The following CHN1 variants were observed in gnomAD, a reference collection of about 807,000 sequenced individuals.
The protein encoded by CHN1 is chimerin 1.
In CHN1, 37 loss-of-function variants were observed where a neutral mutation model predicts 59.5. That is an observed-to-expected ratio of 0.62 (90% CI 0.48 to 0.82). The LOEUF (loss-of-function observed/expected upper bound fraction) is 0.82. Ranked by LOEUF, CHN1 falls within the 40% of genes least tolerant of loss-of-function variation. The pLI, the probability that CHN1 is intolerant of heterozygous loss-of-function variation, is 0.00. For missense variants in CHN1, 469 were observed against 571.0 expected (o/e 0.82, Z 1.82); for synonymous variants, 206 against 200.4 (o/e 1.03, Z -0.24).
chr2:174,988,785 A>G (rs1559012225), intron 1 of CHN1, among the ~76,000 whole-genome samples: 1 of 152,186 alleles, frequency 6.6e-6, no homozygotes, highest in Non-Finnish European at 1.5e-5. Context: ...ACAATAAATT[A>G]TTTTTATAAT....
chr2:174,827,577 C>A (rs567940680), intron 7 of CHN1, among the ~76,000 whole-genome samples: 1 of 152,192 alleles, frequency 6.6e-6, no homozygotes, highest in South Asian at 2.1e-4. Context: ...GTCCAGTGAA[C>A]AATGCAGAGC....
chr2:174,958,911 A>C (rs142146969), intron 1 of CHN1, among the ~76,000 whole-genome samples: 1 of 152,154 alleles, frequency 6.6e-6, no homozygotes, highest in East Asian at 1.9e-4. Context: ...CCTTCTTACT[A>C]TCTTGGTCTT....
At chr2:174,891,155 A>G (rs1411575765) in intron 5 of CHN1, among the ~76,000 whole-genome samples, 2 of 149,732 alleles carry the variant, frequency 1.3e-5, no homozygotes, top group Admixed American at 6.6e-5. Flanking sequence ...AAAAAAAAAA[A>G]AAAAAAAAAA....
intron 1 of CHN1, among the ~76,000 whole-genome samples, chr2:174,959,283 A>C (rs886681002): frequency 6.6e-6 from 1 of 152,190 alleles, no homozygotes; most frequent in Non-Finnish European, 1.5e-5. Context: ...ACACTTAAAA[A>C]TTATTTTGGC....
chr2:174,910,979 G>C (rs1688687006), intron 5 of CHN1, among the ~76,000 whole-genome samples: 1 of 149,584 alleles, frequency 6.7e-6, no homozygotes, highest in Non-Finnish European at 1.5e-5. Flanking sequence ...ACTCATATTA[G>C]CTCTCCACAA....
At chr2:174,847,155 AC>A (rs1241135196) in intron 6 of CHN1, 198 bp from the exon 7 acceptor site, 1 of 1,543,722 alleles carries the variant, frequency 6.5e-7, no homozygotes, top group African/African-American at 1.4e-5. Context: ...AGGAAAGAAA[AC>A]CTATAGTGGT....
intron 8 of CHN1, among the ~76,000 whole-genome samples, chr2:174,822,140 C>T (rs565233220): frequency 6.6e-6 from 1 of 152,134 alleles, no homozygotes; most frequent in Admixed American, 6.5e-5. Context: ...TCCAACCCTC[C>T]GTGTTTTCAA....
chr2:174,904,457 C>T (rs567296837), intron 5 of CHN1, among the ~76,000 whole-genome samples: 18 of 151,900 alleles, frequency 1.2e-4, no homozygotes, highest in East Asian at 2.0e-4. Context: ...GGTGCGATCT[C>T]GGCTCACCAC....
Position 174,807,446 on chromosome 2 carries a change from C to CTGTGTGTGTGTGTGTGTGTGTG in CHN1, c.1102+1437_1102+1458dup, listed in dbSNP as rs71031071. Among the ~76,000 whole-genome samples the CTGTGTGTGTGTGTGTGTGTGTG allele has an allele frequency of 1.4e-4, 12 of 83,842 alleles. 1 individual carries two copies. Among genetic ancestry groups the CTGTGTGTGTGTGTGTGTGTGTG allele is most frequent in the East Asian group, 4.3e-4 (1 of 2,328 alleles). 55.0% of individuals were successfully genotyped at this position (83,842 alleles called of 152,430 possible). A position where few individuals can be genotyped will look rare whatever the true frequency, so the allele number is the denominator to read the frequency against. ...GACTAGGCAGCTTTTCACGGGCTAT[C>CTGTGTGTGTGTGTGTGTGTGTG]TGTGTGTGTGTGTGTGTGTGTGTGT... On this transcript the variant is annotated intron_variant, in intron 11 of 12. Transcript: ENST00000409900.
intron 5 of CHN1, among the ~76,000 whole-genome samples, chr2:174,886,551 A>C (rs1274063746): frequency 2.6e-5 from 4 of 152,204 alleles, no homozygotes; most frequent in South Asian, 4.1e-4. Flanking sequence ...TTTTATATAA[A>C]ACTGTCTTAA....
chr2:174,814,539 T>A (rs1272437352), intron 8 of CHN1, among the ~76,000 whole-genome samples: 1 of 152,220 alleles, frequency 6.6e-6, no homozygotes, highest in East Asian at 1.9e-4. Context: ...TTGAGTGAGT[T>A]GCTCAAATTT....
intron 6 of CHN1, among the ~76,000 whole-genome samples, chr2:174,871,459 A>G (rs1318699431): frequency 6.6e-6 from 1 of 152,180 alleles, no homozygotes; most frequent in African/African-American, 2.4e-5. Flanking sequence ...TTAAAAAGTC[A>G]TTTATGTAGT....
intron 3 of CHN1, among the ~76,000 whole-genome samples, chr2:174,921,904 G>C (rs1689028978): frequency 6.6e-6 from 1 of 152,182 alleles, no homozygotes; most frequent in Non-Finnish European, 1.5e-5. Flanking sequence ...TTCAAGATAA[G>C]ATTTGGGTGA....
chr2:174,888,979 T>C (rs1345314787), intron 5 of CHN1, among the ~76,000 whole-genome samples: 2 of 152,166 alleles, frequency 1.3e-5, no homozygotes, highest in Non-Finnish European at 2.9e-5. Flanking sequence ...GTTCCAACTT[T>C]TCAGGAAGCT....
In CHN1 at chr2:174,838,294, T is replaced by G. The variant is rs192401186; in HGVS notation, c.627+8586A>C. On this transcript the variant is annotated intron_variant, in intron 7 of 12. Transcript: ENST00000409900. ...TTTTAGTAGAGACAAGGTTTCTCCA[T>G]GTTGGTCAGGCTGGTCTTGAACTCC... Among the ~76,000 whole-genome samples the G allele has an allele frequency of 1.3e-4, 20 of 152,238 alleles. 2 individuals are homozygous for G. The East Asian group carries it at 3.9e-3, about 30-fold the overall frequency.
chr2:174,903,231 T>C (rs979169386), intron 5 of CHN1, among the ~76,000 whole-genome samples: 4 of 152,222 alleles, frequency 2.6e-5, no homozygotes, highest in Non-Finnish European at 5.9e-5. Flanking sequence ...TCACAGAATC[T>C]GGCTCAACAT....
chr2:174,800,146 C>T lies in CHN1; in HGVS notation c.1350G>A (p.Leu450=), dbSNP rs956834798. Residue 450 remains leucine, a synonymous_variant, in exon 13 of 13, where the codon CTG becomes CTA. Transcript: ENST00000409900. The part of the protein sequence containing the change: ...DIRYQRLVVE[L]LIKNEDILF ...ATAAAATGTCTTCGTTTTTGATAAGCAGCTCCACCACCAGTCTCTGATACC... is the reference window on the plus strand; with the variant it reads ...ATAAAATGTCTTCGTTTTTGATAAGTAGCTCCACCACCAGTCTCTGATACC... The T allele has an allele frequency of 1.3e-6, 2 of 1,567,892 alleles. No individual in the cohort carries two copies. Among genetic ancestry groups the T allele is most frequent in the African/African-American group, 2.7e-5 (2 of 73,218 alleles).
At chr2:174,916,525 G>A (rs1376853966) in intron 4 of CHN1, among the ~76,000 whole-genome samples, 3 of 152,172 alleles carry the variant, frequency 2.0e-5, no homozygotes, top group Non-Finnish European at 2.9e-5. Context: ...ATAGTCACTT[G>A]AATTTGGAAT....
chr2:174,823,261 TAAG>T (rs1685562124), intron 8 of CHN1, among the ~76,000 whole-genome samples: 1 of 152,234 alleles, frequency 6.6e-6, no homozygotes, highest in Non-Finnish European at 1.5e-5. Context: ...AAAAGACATG[TAAG>T]AAGATATTTT....
Sources: allele counts gnomAD v4.1 joint callset (sites outside exome capture counted in the v4.1 genomes callset), GRCh38; gene constraint gnomAD v4.1.1; transcripts MANE v1.5; gene names NCBI Gene and HGNC (gene_info 2026-07-23, HGNC 2026-07-21).